ZNF589: variants seen among roughly 807,000 people sequenced by gnomAD.
ZNF589 encodes the protein zinc finger protein 589.
Under a neutral mutation model 13.6 loss-of-function variants are expected in ZNF589, and 17 were observed. That is an observed-to-expected ratio of 1.25 (90% confidence interval 0.86 to 1.88). The LOEUF (loss-of-function observed/expected upper bound fraction) is 1.88. Ranked by LOEUF, ZNF589 falls within the 40% of genes most tolerant of loss-of-function variation. The pLI, the probability that ZNF589 is intolerant of heterozygous loss-of-function variation, is 0.00. For missense variants in ZNF589, 407 were observed against 434.0 expected, an observed-to-expected ratio of 0.94 and a Z score of 0.55; for synonymous variants, 148 against 161.6, an observed-to-expected ratio of 0.92 and a Z score of 0.64.
Position 48,270,216 on chromosome 3 carries a change from A to T in ZNF589, c.*1430A>T. The T allele has an allele frequency of 2.2e-6, 1 of 457,198 alleles. No homozygotes were observed. The highest frequency in any genetic ancestry group is 4.4e-6 in the Non-Finnish European group (1 of 227,064). 28.3% of individuals were successfully genotyped at this position (457,198 alleles called of 1,614,324 possible). ...TCAGAGTTCAGTCTCCAGCCCTACA[A>T]TCTGAGGGACACCTTTACCAGGTCC... is the stretch of plus-strand genomic sequence containing the variant. On this transcript the variant is annotated 3_prime_UTR_variant, in exon 4 of 4. Transcript: ENST00000354698.
chr3:48,270,593 C>A lies in ZNF589; in HGVS notation c.*1807C>A. The A allele has an allele frequency of 3.6e-6, 1 of 278,442 alleles. No individual in the cohort carries two copies. Among genetic ancestry groups the A allele is most frequent in the Non-Finnish European group, 7.1e-6 (1 of 141,618 alleles). The allele number at this position is 278,442 out of a possible 1,614,324, so 17.2% of individuals were successfully genotyped here. A position where few individuals can be genotyped will look rare whatever the true frequency, so the allele number is the denominator to read the frequency against. ...GGGCTGGGGCTAGCCCTACCTGATA[C>A]CCTGTGTCAATGAGTGTACCTTGGA... On this transcript the variant is annotated 3_prime_UTR_variant, in exon 4 of 4. Transcript: ENST00000354698.
chr3:48,257,767 A>C (rs569649996), intron 2 of ZNF589, among the ~76,000 whole-genome samples: 2 of 151,958 alleles, frequency 1.3e-5, no homozygotes, highest in East Asian at 1.9e-4. Context: ...GGTTGAGGTT[A>C]ATTTTTTTGT....
intron 1 of ZNF589, among the ~76,000 whole-genome samples, chr3:48,244,400 C>T (rs1276511164): frequency 5.9e-5 from 9 of 151,940 alleles, no homozygotes; most frequent in African/African-American, 2.2e-4. Flanking sequence ...GAAAATTACC[C>T]CAGACAGTTA....
chr3:48,247,377 T>G (rs1327480941), intron 1 of ZNF589, among the ~76,000 whole-genome samples: 1 of 152,162 alleles, frequency 6.6e-6, no homozygotes, highest in East Asian at 1.9e-4. Flanking sequence ...GGTAGAAAGA[T>G]GATGAGTGCT....
Position 48,267,986 on chromosome 3 carries a change from C to T in ZNF589, c.295C>T (p.Gln99Ter). 2 of 1,614,030 alleles carry T rather than the reference C, an allele frequency of 1.2e-6. No individual in the cohort carries two copies. The highest frequency in any genetic ancestry group is 2.2e-5 in the South Asian group (2 of 91,084). Reference sequence around the variant, plus strand: ...CTTTGGCAGTCAGCAGTTCCTCAGCCAAGATGAGCTACACAATCATCCTAT... The same window carrying T: ...CTTTGGCAGTCAGCAGTTCCTCAGCTAAGATGAGCTACACAATCATCCTAT... ...LAFGSQQFLS[Q>*]DELHNHPIPG... Residue 99 changes from glutamine to a stop codon, truncating the protein, a stop_gained, in exon 4 of 4, where the codon CAA (glutamine) becomes TAA (stop). Coordinates refer to ENST00000354698, the MANE Select transcript of ZNF589 (RefSeq NM_016089.3). LOFTEE classifies it low-confidence loss of function (END_TRUNC).
At position 48,260,953 on chromosome 3, in the gene ZNF589, C is replaced by T. The variant is rs1395860015; in HGVS notation, c.223+14C>T. 7 of 1,613,850 alleles carry T rather than the reference C, an allele frequency of 4.3e-6. No individual in the cohort carries two copies. The highest frequency in any genetic ancestry group is 5.9e-6 in the Non-Finnish European group (7 of 1,179,840). ...TGGTCTCATTGGGTAAGGACATGTT[C>T]TCTTCCTTCATTTTTCCATTCAAGT... On this transcript the variant is annotated intron_variant, in intron 3 of 3. Coordinates refer to ENST00000354698, the MANE Select transcript of ZNF589 (RefSeq NM_016089.3).
At chr3:48,264,918 C>T (rs1206576194) in intron 3 of ZNF589, among the ~76,000 whole-genome samples, 1 of 152,190 alleles carries the variant, frequency 6.6e-6, no homozygotes, top group African/African-American at 2.4e-5. Context: ...TAGGGCAGAA[C>T]TCTGTGGTTC....
At chr3:48,241,710 T>C (rs1049825133) in intron 1 of ZNF589, among the ~76,000 whole-genome samples, 22 of 151,974 alleles carry the variant, frequency 1.4e-4, no homozygotes, top group Non-Finnish European at 2.9e-4. Context: ...TTTGTATTTT[T>C]AGTAGAGACG....
At chr3:48,258,426 TC>T in intron 2 of ZNF589, among the ~76,000 whole-genome samples, 1 of 152,226 alleles carries the variant, frequency 6.6e-6, no homozygotes, top group Admixed American at 6.5e-5. Flanking sequence ...TTTTATAGAT[TC>T]CTTTGCATTT....
chr3:48,269,874 T>C lies in ZNF589; in HGVS notation c.*1088T>C, dbSNP rs147261578. 5 of 369,462 alleles carry C rather than the reference T, an allele frequency of 1.4e-5. No homozygotes were observed. The East Asian group carries it at 3.6e-4, about 27-fold the overall frequency. 22.9% of individuals were successfully genotyped at this position (369,462 alleles called of 1,614,324 possible). Reference sequence around the variant, plus strand: ...AAACCTTCATGGAGTGAGAGTAAGGTGTTGGCTGGAAGTGGCCCCTTAAGA... The same window carrying C: ...AAACCTTCATGGAGTGAGAGTAAGGCGTTGGCTGGAAGTGGCCCCTTAAGA... On this transcript the variant is annotated 3_prime_UTR_variant, in exon 4 of 4. Coordinates refer to ENST00000354698, the MANE Select transcript of ZNF589 (RefSeq NM_016089.3).
At chr3:48,247,555 G>A (rs2033782403) in intron 1 of ZNF589, 70 bp from the exon 2 acceptor site, 1 of 1,579,378 alleles carries the variant, frequency 6.3e-7, no homozygotes, top group Non-Finnish European at 8.7e-7. Flanking sequence ...AAGGCTCAGA[G>A]GGCTCTTGGG....
At chr3:48,267,837 G>A in intron 3 of ZNF589, 78 bp from the exon 4 acceptor site, 2 of 1,405,686 alleles carry the variant, frequency 1.4e-6, no homozygotes, top group South Asian at 1.4e-5. Context: ...AATGATTAAT[G>A]GGCCAGGTCT....
At chr3:48,267,205 T>C (rs904938823) in intron 3 of ZNF589, among the ~76,000 whole-genome samples, 1 of 152,216 alleles carries the variant, frequency 6.6e-6, no homozygotes, top group Non-Finnish European at 1.5e-5. Context: ...AGACCTGCTC[T>C]TCCCTGTTTT....
intron 2 of ZNF589, chr3:48,257,101 A>G: frequency 4.4e-6 from 2 of 455,980 alleles, no homozygotes; most frequent in East Asian, 1.3e-4. Flanking sequence ...TGTGAGATAT[A>G]TTGATCTGTA....
At chr3:48,253,139 T>A (rs868537041) in intron 2 of ZNF589, among the ~76,000 whole-genome samples, 1 of 151,896 alleles carries the variant, frequency 6.6e-6, no homozygotes, top group Non-Finnish European at 1.5e-5. Context: ...TTCAAGTGAT[T>A]CTCTTGCCTC....
Position 48,260,870 on chromosome 3 carries a change from C to T in ZNF589, c.154C>T (p.Leu52=). 1.2e-6 allele frequency: 2 copies of T among 1,614,156 alleles called. No homozygotes were observed. The highest frequency in any genetic ancestry group is 1.7e-6 in the Non-Finnish European group (2 of 1,180,024). Residue 52 remains leucine, a synonymous_variant, in exon 3 of 4, where the codon CTG becomes TTG. Coordinates refer to ENST00000354698, the MANE Select transcript of ZNF589 (RefSeq NM_016089.3). ...TTTCACTGAGGCAGAGTGGAAGAGA[C>T]TGAGCCTTGAGCAGAGGAACCTATA... is the stretch of plus-strand genomic sequence containing the variant. ...VLFTEAEWKR[L]SLEQRNLYKE... is the part of the protein sequence containing the mutation.
chr3:48,241,268 C>CCGCGCAGGCGT, intron 1 of ZNF589, 54 bp downstream of exon 1: 2 of 1,598,022 alleles, frequency 1.3e-6, no homozygotes, highest in Non-Finnish European at 1.7e-6. Context: ...GCCGCAGGCG[C>CCGCGCAGGCGT]CGCGCAGGCG....
intron 2 of ZNF589, among the ~76,000 whole-genome samples, chr3:48,254,732 ATG>A (rs200685822): frequency 0.011 from 1,706 of 152,136 alleles, 34 homozygotes; most frequent in African/African-American, 0.038. Context: ...CTCTGTGTGT[ATG>A]TGTGTGTGTA....
chr3:48,250,094 C>T (rs111773522), intron 2 of ZNF589, among the ~76,000 whole-genome samples: 9 of 151,332 alleles, frequency 5.9e-5, no homozygotes, highest in South Asian at 2.1e-4. Context: ...AGCCACTGCA[C>T]TCCAGCCCAG....
Sources: gnomAD v4.1 joint callset for allele counts (sites outside exome capture counted in the v4.1 genomes callset) on GRCh38, gnomAD v4.1.1 for gene constraint, MANE v1.5 for transcripts, NCBI Gene and HGNC (gene_info 2026-07-23, HGNC 2026-07-21) for gene names.